SETD1B: variants seen among roughly 807,000 people sequenced by gnomAD.
The protein encoded by SETD1B is SET domain containing 1B, histone lysine methyltransferase, also known as histone-lysine N-methyltransferase SETD1B.
Under a neutral mutation model 148.0 loss-of-function variants are expected in SETD1B, and 7 were observed. That is an observed-to-expected ratio of 0.05 (90% CI 0.03 to 0.09). SETD1B has a LOEUF of 0.09. Ranked by LOEUF, SETD1B falls within the 10% of genes least tolerant of loss-of-function variation. The pLI, the probability that SETD1B is intolerant of heterozygous loss-of-function variation, is 1.00. For synonymous variants in SETD1B, 1,361 were observed against 1,186.5 expected, an observed-to-expected ratio of 1.15 and a Z score of -3.02; for missense variants, 2,155 against 2,729.9, an observed-to-expected ratio of 0.79 and a Z score of 4.69.
rs1271866958 is a variant in SETD1B at position 121,830,261 on chromosome 12, G to T, written c.*22G>T. 16 of 1,545,726 alleles carry T rather than the reference G, an allele frequency of 1.0e-5. No individual in the cohort carries two copies. The highest frequency in any genetic ancestry group is 1.3e-5 in the Non-Finnish European group (15 of 1,145,134). ...CTAGGCCCCGGCACCAGACTCAAAG[G>T]ATGTCAGCCGTAGCCCTGGGACTCC... On this transcript the variant is annotated 3_prime_UTR_variant, in exon 17 of 17. Coordinates refer to ENST00000604567, the MANE Select transcript of SETD1B (RefSeq NM_001353345.2). This position sits in a 1 kb window ranked among gnomAD's most constrained non-coding sequence, Gnocchi z 5.7.
intron 16 of SETD1B, among the ~76,000 whole-genome samples, chr12:121,829,163 C>T (rs879256884): frequency 3.9e-5 from 6 of 152,186 alleles, no homozygotes; most frequent in South Asian, 2.1e-4. Context: ...GAGCCAAGGT[C>T]GCTGGAAGGT....
the SETD1B span, among the ~76,000 whole-genome samples, chr12:121,798,717 G>T: frequency 1.3e-5 from 2 of 152,208 alleles, no homozygotes; most frequent in Admixed American, 1.3e-4. Flanking sequence ...TGGGGCACAA[G>T]TCCCAAATAG....
intron 16 of SETD1B, among the ~76,000 whole-genome samples, chr12:121,828,923 T>C (rs1876965425): frequency 6.6e-6 from 1 of 152,202 alleles, no homozygotes; most frequent in Admixed American, 6.5e-5. Context: ...GATCCTTGCC[T>C]GGGTGGTAGG....
intron 4 of SETD1B, among the ~76,000 whole-genome samples, chr12:121,807,164 G>A (rs776247272): frequency 7.2e-5 from 11 of 152,236 alleles, no homozygotes; most frequent in African/African-American, 1.7e-4. Context: ...GCTCTAAGCC[G>A]GTGCCGGGGG....
Position 121,817,945 on chromosome 12 carries a change from C to A in SETD1B, c.3418+41C>A. Reference sequence around the variant, plus strand: ...GTGGCTGCCTGGCCCTCCCGGAGTCCCTCTTTCCCCGGGGCAGAGCCTGAG... The same window carrying A: ...GTGGCTGCCTGGCCCTCCCGGAGTCACTCTTTCCCCGGGGCAGAGCCTGAG... On this transcript the variant is annotated intron_variant, in intron 10 of 16. Coordinates refer to ENST00000604567, the MANE Select transcript of SETD1B (RefSeq NM_001353345.2). The surrounding 1 kb of genome is among the most constrained non-coding windows in gnomAD (Gnocchi z 8.1). 1 of 1,486,760 alleles carries A rather than the reference C, an allele frequency of 6.7e-7. No individual in the cohort carries two copies. The highest frequency in any genetic ancestry group is 1.3e-5 in the South Asian group (1 of 75,648). The allele number at this position is 1,486,760 out of a possible 1,614,324, so 92.1% of individuals were successfully genotyped here.
intron 7 of SETD1B, among the ~76,000 whole-genome samples, 190 bp from the exon 8 acceptor site, chr12:121,816,843 C>A (rs1876313458): frequency 6.6e-6 from 1 of 152,238 alleles, no homozygotes; most frequent in South Asian, 2.1e-4. Context: ...ACATTGAGAT[C>A]TATGAGGCAG....
At chr12:121,827,010 C>T (rs564713008) in intron 13 of SETD1B, among the ~76,000 whole-genome samples, 4 of 152,056 alleles carry the variant, frequency 2.6e-5, no homozygotes, top group East Asian at 1.9e-4. Context: ...TGGGGATCTC[C>T]GGCCCGGGGA....
the SETD1B span, chr12:121,796,167 C>A: frequency 6.5e-6 from 1 of 152,732 alleles, no homozygotes. Context: ...CTGGGCATGC[C>A]CACCCAGGAG....
Position 121,822,538 on chromosome 12 carries a change from C to A in SETD1B, c.3959C>A (p.Pro1320Gln), listed in dbSNP as rs893820591. 1.9e-6 allele frequency: 3 copies of A among 1,550,642 alleles called. No homozygotes were observed. The African/African-American group carries it at 4.1e-5, about 21-fold the overall frequency. The change falls in exon 12 of 17, where the codon CCG (proline) becomes CAG (glutamine). Residue 1320 changes from proline (P) to glutamine (Q), a missense_variant. By Grantham distance (76) the Pro-to-Gln change is moderately conservative. Transcript: ENST00000604567. The stretch of plus-strand genomic sequence containing the variant: ...GAGCCCCCTATGATGCTCCCCTTGC[C>A]GCTGCAACCACCATTGCCGCCCCCA... The part of the protein sequence containing the change: ...EPEPPMMLPL[P>Q]LQPPLPPPRP...
the SETD1B span, among the ~76,000 whole-genome samples, chr12:121,798,349 C>G: frequency 1.3e-5 from 2 of 152,252 alleles, no homozygotes; most frequent in Non-Finnish European, 2.9e-5. Flanking sequence ...GCGCCAGATT[C>G]CCCTTTGCCC....
At chr12:121,793,599 G>A in the SETD1B span, 4 of 1,551,134 alleles carry the variant, frequency 2.6e-6, no homozygotes, top group African/African-American at 4.1e-5. Context: ...CGGACCGGGG[G>A]CGGCGGTCTG....
chr12:121,822,944 C>A lies in SETD1B; in HGVS notation c.4365C>A (p.Arg1455=). 6.5e-7 allele frequency: 1 copy of A among 1,537,732 alleles called. No homozygotes were observed. Reference sequence around the variant, plus strand: ...TCTGCCCACTCCCCACTGGCCGACGCGATGAACGCTCCGGGCCCCTGGCCT... The same window carrying A: ...TCTGCCCACTCCCCACTGGCCGACGAGATGAACGCTCCGGGCCCCTGGCCT... ...LPVCPLPTGR[R]DERSGPLASP... The change falls in exon 12 of 17, where the codon CGC becomes CGA. Residue 1455 remains arginine, a synonymous_variant. Transcript: ENST00000604567.
intron 16 of SETD1B, among the ~76,000 whole-genome samples, chr12:121,829,137 A>G (rs1476849152): frequency 1.3e-5 from 2 of 152,082 alleles, no homozygotes; most frequent in African/African-American, 2.4e-5. Flanking sequence ...CAAGCTGAGG[A>G]ACTAAGTTTC....
chr12:121,811,304 G>A (rs2137554547), intron 6 of SETD1B, among the ~76,000 whole-genome samples: 1 of 152,240 alleles, frequency 6.6e-6, no homozygotes, highest in Middle Eastern at 3.4e-3. Context: ...GCTAAGTGGG[G>A]TGAAGCCCCG....
At chr12:121,825,448 C>G (rs562234824) in intron 13 of SETD1B, 82 bp downstream of exon 13, 2 of 1,346,570 alleles carry the variant, frequency 1.5e-6, no homozygotes, top group East Asian at 5.4e-5. Flanking sequence ...GGGTGCCAGG[C>G]AGAGGGAGGA....
At position 121,814,552 on chromosome 12, in the gene SETD1B, G is replaced by A. The variant is rs1485643470; in HGVS notation, c.2337G>A (p.Thr779=). The A allele has an allele frequency of 4.7e-6, 7 of 1,494,510 alleles. No individual in the cohort carries two copies. Among genetic ancestry groups the A allele is most frequent in the African/African-American group, 2.8e-5 (2 of 71,446 alleles). The allele number at this position is 1,494,510 out of a possible 1,614,324, so 92.6% of individuals were successfully genotyped here. A position where few individuals can be genotyped will look rare whatever the true frequency, so the allele number is the denominator to read the frequency against. ...TGCCCATGTCCTTCCAGATGCAAAC[G>A]CAGGTGCTCAGCCGGCTGATGACGG... ...GGMPMSFQMQ[T]QVLSRLMTGQ... The change falls in exon 7 of 17, where the codon ACG becomes ACA. Residue 779 remains threonine, a synonymous_variant. Transcript: ENST00000604567.
chr12:121,809,482 T>C (rs1485422593), intron 5 of SETD1B, 121 bp from the exon 6 acceptor site: 7 of 1,083,648 alleles, frequency 6.5e-6, no homozygotes, highest in Non-Finnish European at 9.0e-6. Context: ...TTCCATTCCT[T>C]ATGCTGCAGT....
chr12:121,819,266 G>A lies in SETD1B; in HGVS notation c.3419-138G>A, dbSNP rs1020576018. 6.8e-5 allele frequency: 98 copies of A among 1,437,614 alleles called. No homozygotes were observed. The South Asian group carries it at 9.1e-4, about 13-fold the overall frequency. The allele number at this position is 1,437,614 out of a possible 1,614,324, so 89.1% of individuals were successfully genotyped here. ...AAAAAAGAAAAAAAAGACTCCTAGT[G>A]AACACATGCCCCACACACATATCTG... On this transcript the variant is annotated intron_variant, in intron 10 of 16. Coordinates refer to ENST00000604567, the MANE Select transcript of SETD1B (RefSeq NM_001353345.2).
intron 16 of SETD1B, among the ~76,000 whole-genome samples, chr12:121,828,509 G>A (rs574530803): frequency 6.6e-5 from 10 of 152,356 alleles, no homozygotes; most frequent in Non-Finnish European, 7.3e-5. Context: ...CACTGGAAAT[G>A]TGCCCAGTGC....
Sources: gnomAD v4.1 joint callset for allele counts (sites outside exome capture counted in the v4.1 genomes callset) on GRCh38, gnomAD v4.1.1 for gene constraint, Gnocchi (gnomAD v3.1) non-coding constraint, MANE v1.5 for transcripts, NCBI Gene and HGNC (gene_info 2026-07-23, HGNC 2026-07-21) for gene names.